Variants in CNKSR2 observed in about 807,000 individuals in gnomAD.
CNKSR2 encodes the protein CNK homolog protein 2.
CNKSR2 carries 14 observed loss-of-function variants against 84.4 expected under a neutral mutation model. That is an observed-to-expected ratio of 0.17 (90% CI 0.11 to 0.26). The LOEUF is 0.26. Among genes scored for constraint, CNKSR2 ranks in the 10% least tolerant of loss-of-function variants. The probability of loss-of-function intolerance (pLI) is 1.00; values close to 1 mark genes in which losing one functional copy is unlikely to be tolerated. For synonymous variants in CNKSR2, 275 were observed against 277.9 expected, an observed-to-expected ratio of 0.99 and a Z score of 0.10; for missense variants, 485 against 771.2, an observed-to-expected ratio of 0.63 and a Z score of 4.40.
At chrX:21,385,558 A>G (rs995315145) in intron 1 of CNKSR2, among the ~76,000 whole-genome samples, 1 of 111,945 alleles carries the variant, frequency 8.9e-6, no homozygotes, top group Non-Finnish European at 1.9e-5. Context: ...CTTAATCCCT[A>G]TTTTACAGAT....
At chrX:21,423,074 C>T (rs1179329081) in intron 1 of CNKSR2, among the ~76,000 whole-genome samples, 1 of 111,553 alleles carries the variant, frequency 9.0e-6, no homozygotes, top group Non-Finnish European at 1.9e-5. Flanking sequence ...ACTTAAATGC[C>T]TTTTGATGCA....
intron 13 of CNKSR2, among the ~76,000 whole-genome samples, chrX:21,585,325 G>C (rs927483022): frequency 2.6e-4 from 28 of 106,356 alleles, no homozygotes; most frequent in Non-Finnish European, 4.8e-4. Flanking sequence ...ATATATTAGA[G>C]AGGGTAAGAG....
rs779925960 is a variant in CNKSR2 at position 21,539,448 on chromosome X, C to T, written c.1303+7381C>T. Reference sequence around the variant, plus strand: ...GAATTGTCTGTATTTTCTTATATCTCTCTGAGTTTCCTTAAGATCATTATT... The same window carrying T: ...GAATTGTCTGTATTTTCTTATATCTTTCTGAGTTTCCTTAAGATCATTATT... On this transcript the variant is annotated intron_variant, in intron 11 of 21. Transcript: ENST00000379510. 3.6e-5 allele frequency among the ~76,000 whole-genome samples: 4 copies of T among 111,307 alleles called. No individual in the cohort carries two copies. The South Asian group carries it at 1.5e-3, about 42-fold the overall frequency.
At chrX:21,409,235 TATATATATATA>T (rs2090307487) in intron 1 of CNKSR2, among the ~76,000 whole-genome samples, 1 of 2,327 alleles carries the variant, frequency 4.3e-4, no homozygotes, top group Non-Finnish European at 7.4e-4. Context: ...AAATTATATA[TATATATATATA>T]TATATATATA....
At chrX:21,467,762 A>G (rs1479067079) in intron 4 of CNKSR2, among the ~76,000 whole-genome samples, 1 of 110,762 alleles carries the variant, frequency 9.0e-6, no homozygotes, top group Admixed American at 9.7e-5. Context: ...CACCTCATAT[A>G]TCTCCCTTAA....
At chrX:21,590,367 A>G (rs1281899182) in intron 13 of CNKSR2, among the ~76,000 whole-genome samples, 1 of 111,715 alleles carries the variant, frequency 9.0e-6, no homozygotes, top group Non-Finnish European at 1.9e-5. Flanking sequence ...ACGGGTAAAT[A>G]TAATATCCTT....
At chrX:21,432,087 C>A (rs1332735788) in intron 2 of CNKSR2, among the ~76,000 whole-genome samples, 1 of 111,580 alleles carries the variant, frequency 9.0e-6, no homozygotes, top group Non-Finnish European at 1.9e-5. Flanking sequence ...TCTTATACAT[C>A]ATTATGTAGA....
chrX:21,441,337 C>T (rs2090781414), intron 4 of CNKSR2: 1 of 110,611 alleles, frequency 9.0e-6, no homozygotes, highest in African/African-American at 3.3e-5. Flanking sequence ...TTTTTCTGGG[C>T]TCTGTGGTCT....
At chrX:21,405,652 C>G (rs747922679) in intron 1 of CNKSR2, among the ~76,000 whole-genome samples, 1 of 110,734 alleles carries the variant, frequency 9.0e-6, no homozygotes, top group African/African-American at 3.3e-5. Context: ...TTTTTCTTCC[C>G]TGTCTGCGTT....
rs3050694 is a variant in CNKSR2, at chrX:21,452,753, CTTATTTTATTTTATTTTATTTTATT to C, written c.519+12015_519+12039del. On this transcript the variant is annotated intron_variant, in intron 4 of 21. Transcript: ENST00000379510. ...GTTCTCAGCCATTTTACAAGCATGA[CTTATTTTATTTTATTTTATTTTATT>C]TTATTTTATTTTATTTTATTTTATT... Among the ~76,000 whole-genome samples the C allele has an allele frequency of 2.3e-4, 20 of 86,841 alleles. No individual in the cohort carries two copies. The East Asian group carries it at 2.5e-3, about 11-fold the overall frequency. The allele number at this position is 86,841 out of a possible 115,157, so 75.4% of individuals were successfully genotyped here.
intron 1 of CNKSR2, among the ~76,000 whole-genome samples, chrX:21,401,119 T>G (rs1184262595): frequency 9.0e-6 from 1 of 111,088 alleles, no homozygotes; most frequent in Admixed American, 9.6e-5. Flanking sequence ...AAAATAGGAT[T>G]TCTATTATAA....
intron 18 of CNKSR2, among the ~76,000 whole-genome samples, chrX:21,603,238 G>T (rs1473911944): frequency 8.9e-6 from 1 of 112,123 alleles, no homozygotes; most frequent in Non-Finnish European, 1.9e-5. Flanking sequence ...AAATAATTTT[G>T]ATTTCCACAT....
chrX:21,436,994 C>T (rs1228430784), intron 3 of CNKSR2, among the ~76,000 whole-genome samples: 1 of 111,646 alleles, frequency 9.0e-6, no homozygotes, highest in Admixed American at 9.5e-5. Context: ...TTCTAAATCA[C>T]TACAAAATAA....
At chrX:21,566,159 CAG>C (rs1482927427) in intron 13 of CNKSR2, among the ~76,000 whole-genome samples, 1 of 111,342 alleles carries the variant, frequency 9.0e-6, no homozygotes, top group Non-Finnish European at 1.9e-5. Flanking sequence ...ATAATGTTTT[CAG>C]TGCCTGGATT....
intron 4 of CNKSR2, among the ~76,000 whole-genome samples, chrX:21,443,660 T>C (rs1211912245): frequency 1.8e-5 from 2 of 111,820 alleles, no homozygotes; most frequent in South Asian, 7.3e-4. Flanking sequence ...CCAATCCTAA[T>C]TACGCAGAAA....
At chrX:21,513,218 A>C (rs1464986307) in intron 8 of CNKSR2, among the ~76,000 whole-genome samples, 1 of 111,717 alleles carries the variant, frequency 9.0e-6, no homozygotes, top group Non-Finnish European at 1.9e-5. Flanking sequence ...CTCTTAAAAG[A>C]GATTATTGTA....
intron 1 of CNKSR2, among the ~76,000 whole-genome samples, chrX:21,385,199 T>C (rs1468678348): frequency 8.9e-6 from 1 of 111,918 alleles, no homozygotes; most frequent in Non-Finnish European, 1.9e-5. Flanking sequence ...ATCCTGACTT[T>C]ATCACTTCTT....
At chrX:21,445,942 C>T (rs1336861878) in intron 4 of CNKSR2, among the ~76,000 whole-genome samples, 1 of 111,317 alleles carries the variant, frequency 9.0e-6, no homozygotes, top group African/African-American at 3.2e-5. Context: ...ATACCGATTT[C>T]CTTTCCATTG....
At chrX:21,596,958 C>G (rs2092453993) in intron 17 of CNKSR2, among the ~76,000 whole-genome samples, 1 of 111,328 alleles carries the variant, frequency 9.0e-6, no homozygotes, top group Admixed American at 9.6e-5. Flanking sequence ...TTCCACTGTT[C>G]TAGTACTTAC....
Sources: gnomAD v4.1 joint callset for allele counts (sites outside exome capture counted in the v4.1 genomes callset) on GRCh38, gnomAD v4.1.1 for gene constraint, MANE v1.5 for transcripts, NCBI Gene and HGNC (gene_info 2026-07-23, HGNC 2026-07-21) for gene names.